DOCK4: variants seen among roughly 807,000 people sequenced by gnomAD.
DOCK4 encodes the protein dedicator of cytokinesis 4, also known as dedicator of cytokinesis protein 4.
In DOCK4, 97 loss-of-function variants were observed where a neutral mutation model predicts 268.1. The observed-to-expected ratio is 0.36, with a 90% CI of 0.31 to 0.43. The LOEUF (loss-of-function observed/expected upper bound fraction) is 0.43. DOCK4 is among the 20% of genes least tolerant of loss of function. The probability of loss-of-function intolerance (pLI) is 1.00; values close to 1 mark genes in which losing one functional copy is unlikely to be tolerated. For synonymous variants in DOCK4, 954 were observed against 887.2 expected, an observed-to-expected ratio of 1.08 and a Z score of -1.34; for missense variants, 2,145 against 2,455.7, an observed-to-expected ratio of 0.87 and a Z score of 2.67.
At chr7:112,168,066 T>C (rs993174011) in intron 1 of DOCK4, among the ~76,000 whole-genome samples, 4 of 151,658 alleles carry the variant, frequency 2.6e-5, no homozygotes, top group African/African-American at 9.7e-5. Flanking sequence ...AAAAAAAAAA[T>C]ACTAGTACTC....
At chr7:112,194,975 TCTC>T (rs1273362888) in intron 1 of DOCK4, among the ~76,000 whole-genome samples, 3 of 152,012 alleles carry the variant, frequency 2.0e-5, no homozygotes, top group Non-Finnish European at 4.4e-5. Flanking sequence ...CAAATATAGT[TCTC>T]CTAAAAAAAC....
At chr7:111,993,120 T>C (rs1231299940) in intron 5 of DOCK4, among the ~76,000 whole-genome samples, 1 of 152,190 alleles carries the variant, frequency 6.6e-6, no homozygotes, top group Non-Finnish European at 1.5e-5. Flanking sequence ...TCAAAGGGTT[T>C]TCACTAGTGA....
chr7:111,778,822 C>T (rs185876926), intron 35 of DOCK4, among the ~76,000 whole-genome samples: 146 of 152,134 alleles, frequency 9.6e-4, no homozygotes, highest in Admixed American at 8.4e-3. Context: ...TTTGGGAGGA[C>T]GAGGTGGACA....
intron 8 of DOCK4, among the ~76,000 whole-genome samples, chr7:111,962,372 T>A (rs1796974514): frequency 6.6e-6 from 1 of 152,196 alleles, no homozygotes. Flanking sequence ...TTACACTAAA[T>A]TTAATCCTCC....
intron 36 of DOCK4, 26 bp downstream of exon 36, chr7:111,778,250 C>T: frequency 6.5e-7 from 1 of 1,538,344 alleles, no homozygotes; most frequent in Non-Finnish European, 9.0e-7. Context: ...GCTCCCTTCC[C>T]AATCTGAGCC....
chr7:112,154,565 T>C (rs1816432679), intron 1 of DOCK4, among the ~76,000 whole-genome samples: 1 of 152,178 alleles, frequency 6.6e-6, no homozygotes, highest in African/African-American at 2.4e-5. Context: ...TGAATCAGGA[T>C]GGCAGCTGAT....
chr7:111,896,323 C>T (rs1264604333), intron 15 of DOCK4, among the ~76,000 whole-genome samples: 3 of 152,016 alleles, frequency 2.0e-5, no homozygotes, highest in African/African-American at 7.2e-5. Flanking sequence ...ACTCTGGAAG[C>T]CGGAAATGAG....
intron 1 of DOCK4, among the ~76,000 whole-genome samples, chr7:112,024,973 T>C (rs1802646249): frequency 6.6e-6 from 1 of 152,226 alleles, no homozygotes; most frequent in South Asian, 2.1e-4. Context: ...TATTTCATGC[T>C]ACTAAATACA....
At chr7:111,777,587 G>A (rs1798529014) in intron 36 of DOCK4, among the ~76,000 whole-genome samples, 1 of 152,146 alleles carries the variant, frequency 6.6e-6, no homozygotes, top group Admixed American at 6.5e-5. Flanking sequence ...AGGATAATGA[G>A]ACCTATATAG....
At chr7:111,872,862 A>G (rs1451558572) in intron 17 of DOCK4, among the ~76,000 whole-genome samples, 1 of 152,198 alleles carries the variant, frequency 6.6e-6, no homozygotes, top group African/African-American at 2.4e-5. Context: ...TGTCCCTTCT[A>G]CATGCTTCCA....
At chr7:112,046,424 T>C (rs1563028994) in intron 1 of DOCK4, among the ~76,000 whole-genome samples, 1 of 152,056 alleles carries the variant, frequency 6.6e-6, no homozygotes, top group South Asian at 2.1e-4. Flanking sequence ...AAAACCAAGA[T>C]AAAAAGAAAT....
intron 1 of DOCK4, among the ~76,000 whole-genome samples, chr7:112,083,078 A>ATT: frequency 6.6e-6 from 1 of 152,144 alleles, no homozygotes; most frequent in Non-Finnish European, 1.5e-5. Flanking sequence ...TAATTTTAAT[A>ATT]ATGTACTTCT....
intron 27 of DOCK4, among the ~76,000 whole-genome samples, chr7:111,815,589 G>GATTGATTT (rs1563542756): frequency 1.3e-5 from 2 of 150,354 alleles, no homozygotes; most frequent in African/African-American, 5.0e-5. Context: ...CCAAATTACT[G>GATTGATTT]ATTTATTTAT....
chr7:111,926,956 A>C (rs918580249), intron 12 of DOCK4, among the ~76,000 whole-genome samples: 1 of 152,198 alleles, frequency 6.6e-6, no homozygotes. Flanking sequence ...GAAAGAAAAC[A>C]CTTTTATTTC....
intron 8 of DOCK4, among the ~76,000 whole-genome samples, chr7:111,957,086 A>G (rs2134939493): frequency 6.6e-6 from 1 of 152,344 alleles, no homozygotes; most frequent in East Asian, 1.9e-4. Context: ...CTTAACTGAT[A>G]GGAAAATGTT....
intron 1 of DOCK4, among the ~76,000 whole-genome samples, chr7:112,100,181 A>T (rs1402129589): frequency 6.6e-6 from 1 of 152,204 alleles, no homozygotes; most frequent in Non-Finnish European, 1.5e-5. Flanking sequence ...TAACATTTTG[A>T]TACAGTTGAG....
chr7:111,796,650 AT>A (rs61692239), intron 30 of DOCK4, among the ~76,000 whole-genome samples: 8,453 of 151,606 alleles, frequency 0.056, 743 homozygotes, highest in African/African-American at 0.19. Context: ...AACTAGAACC[AT>A]TTTTTTTTAA....
chr7:111,903,790 C>T (rs1331507731), intron 13 of DOCK4, among the ~76,000 whole-genome samples: 3 of 152,072 alleles, frequency 2.0e-5, no homozygotes, highest in Admixed American at 6.5e-5. Flanking sequence ...AAAAACAACA[C>T]TCAAATCAAG....
chr7:112,103,143 C>G (rs1220875341), intron 1 of DOCK4, among the ~76,000 whole-genome samples: 1 of 152,162 alleles, frequency 6.6e-6, no homozygotes, highest in Non-Finnish European at 1.5e-5. Flanking sequence ...TCACATGAAA[C>G]AGTTCCATTT....
Sources: allele counts gnomAD v4.1 joint callset (sites outside exome capture counted in the v4.1 genomes callset), GRCh38; gene constraint gnomAD v4.1.1; transcripts MANE v1.5; gene names NCBI Gene and HGNC (gene_info 2026-07-23, HGNC 2026-07-21).